MAGI1: variants seen among roughly 807,000 people sequenced by gnomAD.
MAGI1 encodes the protein membrane associated guanylate kinase, WW and PDZ domain containing 1.
A neutral mutation model predicts 139.9 loss-of-function variants in MAGI1; 58 were observed. The ratio of observed to expected loss-of-function variants is 0.41; its 90% CI spans 0.34 to 0.52. The LOEUF (loss-of-function observed/expected upper bound fraction) is 0.52. Ranked by LOEUF, MAGI1 falls within the 20% of genes least tolerant of loss-of-function variation. The pLI is 0.12. For missense variants in MAGI1, 1,874 were observed against 1,901.6 expected (o/e 0.99, Z 0.27); for synonymous variants, 812 against 737.9 (o/e 1.10, Z -1.63).
At position 65,478,627 on chromosome 3, in the gene MAGI1, T is replaced by G; in HGVS notation, c.722A>C (p.Glu241Ala). The G allele has an allele frequency of 6.2e-7, 1 of 1,614,062 alleles. No homozygotes were observed. ...GCTGTTCATTTCAGGAACGTCATCC[T>G]CCTCCTCATTCTCCGCGTGGACTAT... ...AGIVHAENEE[E>A]DDVPEMNSSF... Residue 241 changes from glutamate (E) to alanine (A), a missense_variant, in exon 4 of 23, where the codon GAG (glutamate) becomes GCG (alanine). Glu to Ala is a moderately radical substitution (Grantham distance 107). This residue lies in a region of MAGI1 where 648 missense variants were observed against 598.1 expected (regional missense o/e 1.08). Coordinates refer to ENST00000402939, the MANE Select transcript of MAGI1 (RefSeq NM_001033057.2).
chr3:65,557,528 T>TA (rs534776713), intron 2 of MAGI1, among the ~76,000 whole-genome samples: 1 of 152,232 alleles, frequency 6.6e-6, no homozygotes, highest in East Asian at 1.9e-4. Context: ...GATCATTAAA[T>TA]ATATCGTTTT....
chr3:65,845,979 A>C (rs1168884912), intron 1 of MAGI1, among the ~76,000 whole-genome samples: 3 of 152,208 alleles, frequency 2.0e-5, no homozygotes, highest in African/African-American at 7.2e-5. Context: ...CAGCCGGGCT[A>C]AAAAAGCTTA....
At chr3:65,410,093 C>T (rs575599610) in intron 12 of MAGI1, among the ~76,000 whole-genome samples, 167 of 152,260 alleles carry the variant, frequency 1.1e-3, no homozygotes, top group African/African-American at 3.4e-3. Flanking sequence ...GTCATAAATA[C>T]CTTGGACTGC....
In MAGI1 at chr3:65,356,581, C is replaced by T. The variant is rs766083821; in HGVS notation, c.4186G>A (p.Ala1396Thr). Residue 1396 changes from alanine (A) to threonine (T), a missense_variant, in exon 23 of 23, where the codon GCC becomes ACC. Ala to Thr is a moderately conservative substitution (Grantham distance 58). Coordinates refer to ENST00000402939, the MANE Select transcript of MAGI1 (RefSeq NM_001033057.2). ...GCGCGCCTCCGGTCGGTGGACTTGGCCCTGCGCTCGGGCGAGCCCCCTCTC... is the reference window on the plus strand; with the variant it reads ...GCGCGCCTCCGGTCGGTGGACTTGGTCCTGCGCTCGGGCGAGCCCCCTCTC... ...RRRGGSPERR[A>T]KSTDRRRARS... 1.6e-5 allele frequency: 25 copies of T among 1,604,704 alleles called. No individual in the cohort carries two copies. In the East Asian group the frequency reaches 4.9e-4, roughly 32 times the overall value.
chr3:65,911,357 C>G (rs2061662006), intron 1 of MAGI1, among the ~76,000 whole-genome samples: 1 of 152,020 alleles, frequency 6.6e-6, no homozygotes, highest in African/African-American at 2.4e-5. Context: ...GGCTCATCCT[C>G]CGGGGGACGC....
intron 1 of MAGI1, among the ~76,000 whole-genome samples, chr3:65,937,894 G>A (rs2063140621): frequency 6.6e-6 from 1 of 151,686 alleles, no homozygotes; most frequent in African/African-American, 2.4e-5. Context: ...CCGTTTGTTG[G>A]AAAATAAAAT....
intron 1 of MAGI1, among the ~76,000 whole-genome samples, chr3:65,967,026 T>C (rs2064783699): frequency 6.6e-6 from 1 of 152,166 alleles, no homozygotes; most frequent in Non-Finnish European, 1.5e-5. Flanking sequence ...ATGACAATAC[T>C]GAGGCACAAA....
chr3:65,618,471 T>C (rs1456908283), intron 2 of MAGI1, among the ~76,000 whole-genome samples: 2 of 152,178 alleles, frequency 1.3e-5, no homozygotes, highest in East Asian at 1.9e-4. Flanking sequence ...AGAATATACT[T>C]ATTTTTAAGG....
chr3:65,850,729 G>T (rs1174724264), intron 1 of MAGI1, among the ~76,000 whole-genome samples: 1 of 152,034 alleles, frequency 6.6e-6, no homozygotes, highest in Non-Finnish European at 1.5e-5. Flanking sequence ...AGGATGCAAC[G>T]TTCACTCCCT....
At chr3:65,952,575 G>T (rs1433897307) in intron 1 of MAGI1, among the ~76,000 whole-genome samples, 1 of 152,194 alleles carries the variant, frequency 6.6e-6, no homozygotes, top group Non-Finnish European at 1.5e-5. Context: ...AACACTTTGG[G>T]AGGCCGAGGC....
intron 1 of MAGI1, among the ~76,000 whole-genome samples, chr3:65,825,299 A>AC (rs2042163385): frequency 6.6e-6 from 1 of 152,198 alleles, no homozygotes; most frequent in African/African-American, 2.4e-5. Context: ...TTTGAACAAT[A>AC]CTTCTTTTAA....
At position 65,706,193 on chromosome 3, in the gene MAGI1, C is replaced by T. The variant is rs141996395; in HGVS notation, c.314-84105G>A. Reference sequence around the variant, plus strand: ...ACGGGCTAGTTTAAATTTCATTTTGCTTTGCAAATGGGATTTAAAACAAAA... The same window carrying T: ...ACGGGCTAGTTTAAATTTCATTTTGTTTTGCAAATGGGATTTAAAACAAAA... On this transcript the variant is annotated intron_variant, in intron 1 of 22. Coordinates refer to ENST00000402939, the MANE Select transcript of MAGI1 (RefSeq NM_001033057.2). 7.8e-4 allele frequency among the ~76,000 whole-genome samples: 119 copies of T among 152,258 alleles called. No individual in the cohort carries two copies. The East Asian group carries it at 0.02, about 26-fold the overall frequency.
chr3:65,945,928 C>T (rs1352699653), intron 1 of MAGI1, among the ~76,000 whole-genome samples: 1 of 152,114 alleles, frequency 6.6e-6, no homozygotes, highest in Non-Finnish European at 1.5e-5. Context: ...GAGAGGCAAG[C>T]AATAAAGTGG....
chr3:65,511,057 C>T (rs1277182093), intron 2 of MAGI1, among the ~76,000 whole-genome samples: 2 of 147,264 alleles, frequency 1.4e-5, no homozygotes, highest in Non-Finnish European at 1.5e-5. Context: ...CCAAACTAAG[C>T]TTCATAAGTG....
intron 2 of MAGI1, among the ~76,000 whole-genome samples, chr3:65,568,206 T>C (rs1559678485): frequency 6.6e-6 from 1 of 152,184 alleles, no homozygotes; most frequent in African/African-American, 2.4e-5. Flanking sequence ...CACTTGTTGA[T>C]AGTGAAGCAG....
At chr3:65,543,839 C>T (rs1052386228) in intron 2 of MAGI1, among the ~76,000 whole-genome samples, 3 of 151,982 alleles carry the variant, frequency 2.0e-5, no homozygotes, top group African/African-American at 7.2e-5. Context: ...CACCATGGCA[C>T]GTGTATACCT....
At position 66,038,441 on chromosome 3, in the gene MAGI1, G is replaced by A; in HGVS notation, c.-133C>T. 7.9e-7 allele frequency: 1 copy of A among 1,268,078 alleles called. No homozygotes were observed. Among genetic ancestry groups the A allele is most frequent in the Non-Finnish European group, 1.0e-6 (1 of 953,960 alleles). The allele number at this position is 1,268,078 out of a possible 1,614,324, so 78.6% of individuals were successfully genotyped here. A position where few individuals can be genotyped will look rare whatever the true frequency, so the allele number is the denominator to read the frequency against. ...TCACAAAACAGGAGAGAGAAACTTGGCAGCCTCGCTCCCCTGCACACGCTC... is the reference window on the plus strand; with the variant it reads ...TCACAAAACAGGAGAGAGAAACTTGACAGCCTCGCTCCCCTGCACACGCTC... On this transcript the variant is annotated 5_prime_UTR_variant, in exon 1 of 23. Transcript: ENST00000402939.
chr3:65,589,547 T>C (rs2081862073), intron 2 of MAGI1, among the ~76,000 whole-genome samples: 3 of 152,140 alleles, frequency 2.0e-5, no homozygotes. Context: ...GACCGTAGCT[T>C]CCTTGTTGAC....
intron 1 of MAGI1, among the ~76,000 whole-genome samples, chr3:65,729,299 C>T (rs1398019511): frequency 6.6e-6 from 1 of 152,164 alleles, no homozygotes. Flanking sequence ...CATTGGTAAA[C>T]AAACTATATT....
Sources: gnomAD v4.1 joint callset for allele counts (sites outside exome capture counted in the v4.1 genomes callset) on GRCh38, gnomAD v4.1.1 for gene constraint, gnomAD v4.1.1 regional missense constraint, MANE v1.5 for transcripts, NCBI Gene and HGNC (gene_info 2026-07-23, HGNC 2026-07-21) for gene names.